The following HPSE2 variants were observed in gnomAD, a reference collection of about 807,000 sequenced individuals.
HPSE2 encodes heparanase 2 (inactive).
Under a neutral mutation model 60.5 loss-of-function variants are expected in HPSE2, and 38 were observed. That is an observed-to-expected ratio of 0.63 (90% CI 0.48 to 0.82). HPSE2 has a LOEUF of 0.82. HPSE2 is among the 40% of genes least tolerant of loss of function. HPSE2 has a pLI of 0.00. For synonymous variants in HPSE2, 295 were observed against 293.2 expected, an observed-to-expected ratio of 1.01 and a Z score of -0.06; for missense variants, 713 against 740.4, an observed-to-expected ratio of 0.96 and a Z score of 0.43.
chr10:98,512,307 TG>T (rs1942434301), intron 9 of HPSE2, among the ~76,000 whole-genome samples: 1 of 152,112 alleles, frequency 6.6e-6, no homozygotes, highest in Admixed American at 6.6e-5. Flanking sequence ...GGTGGCCGGG[TG>T]CAGTGGCTCA....
At chr10:98,560,267 T>C (rs1054572200) in intron 9 of HPSE2, among the ~76,000 whole-genome samples, 1 of 152,194 alleles carries the variant, frequency 6.6e-6, no homozygotes, top group African/African-American at 2.4e-5. Flanking sequence ...CTAGATACTG[T>C]GAATGATAGG....
At chr10:99,040,374 AAT>A (rs1439993507) in intron 3 of HPSE2, among the ~76,000 whole-genome samples, 1 of 152,198 alleles carries the variant, frequency 6.6e-6, no homozygotes, top group African/African-American at 2.4e-5. Context: ...TTTTCTATGA[AAT>A]AGAGTCCTAG....
At chr10:99,305,979 G>GCGCGCGCGCGCGCACACACACACA in the HPSE2 span, among the ~76,000 whole-genome samples, 40 of 80,562 alleles carry the variant, frequency 5.0e-4, no homozygotes, top group Non-Finnish European at 7.8e-4. Context: ...GCGCGCGCGC[G>GCGCGCGCGCGCGCACACACACACA]CACACACACA....
chr10:98,768,091 G>A (rs1001160133), intron 3 of HPSE2, among the ~76,000 whole-genome samples: 1 of 151,880 alleles, frequency 6.6e-6, no homozygotes, highest in Non-Finnish European at 1.5e-5. Flanking sequence ...TGGGATTGGA[G>A]AGAAATACTC....
At chr10:98,973,141 T>C (rs1428203705) in intron 3 of HPSE2, among the ~76,000 whole-genome samples, 3 of 152,234 alleles carry the variant, frequency 2.0e-5, no homozygotes, top group African/African-American at 7.2e-5. Context: ...ACAGATCAGG[T>C]GGAAATGATA....
At chr10:99,108,866 C>G (rs1844349957) in intron 3 of HPSE2, among the ~76,000 whole-genome samples, 1 of 152,182 alleles carries the variant, frequency 6.6e-6, no homozygotes, top group Non-Finnish European at 1.5e-5. Flanking sequence ...AATTCATATT[C>G]TTCCTTCAAG....
intron 9 of HPSE2, among the ~76,000 whole-genome samples, chr10:98,521,592 T>C (rs972867099): frequency 2.0e-5 from 3 of 152,202 alleles, no homozygotes; most frequent in Non-Finnish European, 4.4e-5. Context: ...CTCAAGGATC[T>C]AGAACTAGAA....
chr10:99,187,545 A>G (rs1033408771), intron 2 of HPSE2, among the ~76,000 whole-genome samples: 4 of 152,218 alleles, frequency 2.6e-5, no homozygotes, highest in Non-Finnish European at 5.9e-5. Context: ...ACAGTTCAAT[A>G]ATAGGACCAA....
chr10:99,080,392 G>A (rs1189150161), intron 3 of HPSE2, among the ~76,000 whole-genome samples: 1 of 152,108 alleles, frequency 6.6e-6, no homozygotes, highest in African/African-American at 2.4e-5. Context: ...GGGGGAAATG[G>A]CTTTGGAGTC....
intron 3 of HPSE2, among the ~76,000 whole-genome samples, chr10:98,953,516 G>A (rs1047563528): frequency 6.6e-6 from 1 of 152,152 alleles, no homozygotes; most frequent in Non-Finnish European, 1.5e-5. Flanking sequence ...CTAGGTCTGT[G>A]TTCTGTAGTA....
chr10:98,670,598 T>C (rs1259781691), intron 6 of HPSE2, among the ~76,000 whole-genome samples: 1 of 152,196 alleles, frequency 6.6e-6, no homozygotes, highest in African/African-American at 2.4e-5. Context: ...AACAAGGAAG[T>C]GGAATCAAAG....
chr10:98,904,907 T>C (rs1324080767), intron 3 of HPSE2, among the ~76,000 whole-genome samples: 5 of 152,208 alleles, frequency 3.3e-5, no homozygotes, highest in South Asian at 2.1e-4. Flanking sequence ...CCAGAGTGAA[T>C]AGTACTACTT....
At chr10:99,119,160 A>G (rs569398296) in intron 3 of HPSE2, among the ~76,000 whole-genome samples, 1 of 151,916 alleles carries the variant, frequency 6.6e-6, no homozygotes, top group Non-Finnish European at 1.5e-5. Flanking sequence ...GCCAAACTAT[A>G]CCTGTTTACA....
intron 5 of HPSE2, among the ~76,000 whole-genome samples, chr10:98,719,241 T>A (rs1948861701): frequency 6.6e-6 from 1 of 152,120 alleles, no homozygotes; most frequent in Non-Finnish European, 1.5e-5. Flanking sequence ...ACTTACTATG[T>A]TCCTAGATTC....
intron 2 of HPSE2, among the ~76,000 whole-genome samples, chr10:99,192,255 G>A (rs745398878): frequency 1.4e-4 from 22 of 152,022 alleles, no homozygotes; most frequent in Non-Finnish European, 2.5e-4. Flanking sequence ...GAAGGTTATA[G>A]AACACCAAAC....
At chr10:98,538,769 C>G (rs1943368178) in intron 9 of HPSE2, among the ~76,000 whole-genome samples, 1 of 152,032 alleles carries the variant, frequency 6.6e-6, no homozygotes, top group Non-Finnish European at 1.5e-5. Context: ...TCAGCATTTC[C>G]AAATAAAGGA....
chr10:99,242,087 G>A, the HPSE2 span, among the ~76,000 whole-genome samples: 1 of 152,174 alleles, frequency 6.6e-6, no homozygotes, highest in Admixed American at 6.5e-5. Flanking sequence ...AACAGGAATA[G>A]GCAAAGGACA....
intron 3 of HPSE2, among the ~76,000 whole-genome samples, chr10:99,117,792 GA>G (rs933016343): frequency 6.6e-6 from 1 of 152,086 alleles, no homozygotes; most frequent in African/African-American, 2.4e-5. Flanking sequence ...GTTATAAAAA[GA>G]AAAGCTGGTA....
chr10:98,927,285 G>A (rs1465451135), intron 3 of HPSE2, among the ~76,000 whole-genome samples: 1 of 152,104 alleles, frequency 6.6e-6, no homozygotes, highest in Admixed American at 6.6e-5. Flanking sequence ...GAATCTGGGT[G>A]CTCCTGTATT....
Sources: gnomAD v4.1 joint callset for allele counts (sites outside exome capture counted in the v4.1 genomes callset) on GRCh38, gnomAD v4.1.1 for gene constraint, MANE v1.5 for transcripts, NCBI Gene and HGNC (gene_info 2026-07-23, HGNC 2026-07-21) for gene names.